Variants in TCF7L2 observed in about 807,000 individuals in gnomAD.
TCF7L2 encodes transcription factor 7 like 2.
TCF7L2 carries 23 observed loss-of-function variants against 77.9 expected under a neutral mutation model. The observed-to-expected ratio is 0.30, with a 90% CI of 0.21 to 0.42. The LOEUF is 0.42. Among genes scored for constraint, TCF7L2 ranks in the 10% least tolerant of loss-of-function variants. The pLI, the probability that TCF7L2 is intolerant of heterozygous loss-of-function variation, is 1.00. For missense variants in TCF7L2, 654 were observed against 793.1 expected (o/e 0.82, Z 2.11); for synonymous variants, 413 against 340.2 (o/e 1.21, Z -2.36).
At chr10:113,146,186 A>G in intron 8 of TCF7L2, 89 bp downstream of exon 8, 1 of 1,181,312 alleles carries the variant, frequency 8.5e-7, no homozygotes, top group Non-Finnish European at 1.3e-6. Context: ...CCCAGGGACC[A>G]CAGCTACATG....
chr10:113,112,073 C>T (rs556589243), intron 5 of TCF7L2, among the ~76,000 whole-genome samples: 6 of 152,214 alleles, frequency 3.9e-5, no homozygotes, highest in Non-Finnish European at 8.8e-5. Flanking sequence ...GTGATTGCGA[C>T]ATGCTTTCCA....
intron 4 of TCF7L2, among the ~76,000 whole-genome samples, chr10:112,995,737 G>T (rs4132115): frequency 0.045 from 6,885 of 152,162 alleles, 480 homozygotes; most frequent in African/African-American, 0.16. Context: ...CCTTTCCTGA[G>T]AGTCACTGCT....
At chr10:112,969,701 C>G (rs906971369) in intron 4 of TCF7L2, among the ~76,000 whole-genome samples, 3 of 152,160 alleles carry the variant, frequency 2.0e-5, no homozygotes, top group African/African-American at 7.2e-5. Context: ...GGTGCAGGCC[C>G]CTTCATGCAG....
At chr10:112,970,041 C>T (rs1012079276) in intron 4 of TCF7L2, among the ~76,000 whole-genome samples, 2 of 152,090 alleles carry the variant, frequency 1.3e-5, no homozygotes, top group African/African-American at 2.4e-5. Flanking sequence ...GTTTTAAGAG[C>T]GTTTTGGCCA....
chr10:113,156,111 CTTTCT>C (rs1290846692), intron 11 of TCF7L2, among the ~76,000 whole-genome samples: 311 of 131,328 alleles, frequency 2.4e-3, no homozygotes, highest in Non-Finnish European at 3.5e-3. Flanking sequence ...GAGTTTCTTT[CTTTCT>C]TTTTTTTTTT....
intron 4 of TCF7L2, among the ~76,000 whole-genome samples, chr10:112,988,416 TTC>T (rs1469805644): frequency 1.3e-5 from 2 of 152,316 alleles, no homozygotes; most frequent in African/African-American, 4.8e-5. Flanking sequence ...TGTTTTGAGC[TTC>T]TGTCTTATGT....
chr10:113,025,713 A>G (rs2049029914), intron 4 of TCF7L2, among the ~76,000 whole-genome samples: 1 of 151,960 alleles, frequency 6.6e-6, no homozygotes. Context: ...TTAGAGTTGC[A>G]CAGCCTTTAC....
At chr10:113,062,819 A>G (rs1044268029) in intron 5 of TCF7L2, among the ~76,000 whole-genome samples, 1 of 152,164 alleles carries the variant, frequency 6.6e-6, no homozygotes, top group African/African-American at 2.4e-5. Context: ...CCAGGGTCTT[A>G]ATAAATGACT....
intron 4 of TCF7L2, among the ~76,000 whole-genome samples, chr10:113,012,396 C>T (rs1053504573): frequency 1.3e-5 from 2 of 152,024 alleles, no homozygotes; most frequent in African/African-American, 4.8e-5. Context: ...TACTTTGTTA[C>T]GTGAGCAATA....
intron 4 of TCF7L2, among the ~76,000 whole-genome samples, chr10:112,990,040 G>C (rs1447951931): frequency 6.6e-6 from 1 of 152,108 alleles, no homozygotes; most frequent in African/African-American, 2.4e-5. Flanking sequence ...GTTCAGGTTG[G>C]CACGTTGCAG....
intron 5 of TCF7L2, among the ~76,000 whole-genome samples, chr10:113,114,800 C>G (rs1006183350): frequency 6.6e-6 from 1 of 152,162 alleles, no homozygotes; most frequent in Non-Finnish European, 1.5e-5. Flanking sequence ...TTACTGTAGT[C>G]TCAGTTTGCT....
intron 4 of TCF7L2, among the ~76,000 whole-genome samples, chr10:113,002,688 C>T (rs1208287210): frequency 6.6e-6 from 1 of 152,100 alleles, no homozygotes; most frequent in Non-Finnish European, 1.5e-5. Flanking sequence ...GAAAATAGCC[C>T]TTAGAACTAG....
intron 5 of TCF7L2, among the ~76,000 whole-genome samples, chr10:113,059,999 T>C (rs943985955): frequency 7.9e-5 from 12 of 152,202 alleles, no homozygotes; most frequent in Admixed American, 1.3e-4. Context: ...TGCTGGCATG[T>C]AGATTATCCG....
intron 11 of TCF7L2, among the ~76,000 whole-genome samples, chr10:113,153,311 CTT>C (rs1283765275): frequency 1.3e-5 from 2 of 152,230 alleles, no homozygotes; most frequent in African/African-American, 2.4e-5. Context: ...TGAAATGCCT[CTT>C]GTTTTGCCTG....
chr10:113,064,305 T>C (rs1011234010), intron 5 of TCF7L2, among the ~76,000 whole-genome samples: 5 of 152,042 alleles, frequency 3.3e-5, no homozygotes, highest in Admixed American at 1.3e-4. Context: ...TACCAGCTGG[T>C]TCCGTGCTCT....
intron 5 of TCF7L2, among the ~76,000 whole-genome samples, chr10:113,100,412 ATG>A (rs770786746): frequency 6.6e-6 from 1 of 152,174 alleles, no homozygotes; most frequent in Non-Finnish European, 1.5e-5. Context: ...TCTGCTCTGA[ATG>A]TGTTTGCCAT....
chr10:113,069,519 C>T lies in TCF7L2; in HGVS notation c.552+29393C>T, dbSNP rs118065351. On this transcript the variant is annotated intron_variant, in intron 5 of 13. Coordinates refer to ENST00000627217, the MANE Select transcript of TCF7L2 (RefSeq NM_001146274.2). ...TGCTGGGATTACAGGCGTGAGCTGCCGTGCCCAGCCAGTATCTATAACTGA... is the reference window on the plus strand; with the variant it reads ...TGCTGGGATTACAGGCGTGAGCTGCTGTGCCCAGCCAGTATCTATAACTGA... Among the ~76,000 whole-genome samples the T allele has an allele frequency of 1.1e-3, 166 of 152,242 alleles. 1 individual carries two copies. The East Asian group carries it at 0.03, about 28-fold the overall frequency.
At chr10:113,054,776 CT>C (rs1156645614) in intron 5 of TCF7L2, among the ~76,000 whole-genome samples, 6 of 152,070 alleles carry the variant, frequency 3.9e-5, no homozygotes, top group African/African-American at 1.4e-4. Context: ...TATAAATAAT[CT>C]TAGTAGTTTT....
intron 5 of TCF7L2, among the ~76,000 whole-genome samples, chr10:113,072,212 C>T (rs1331321540): frequency 1.3e-5 from 2 of 151,950 alleles, no homozygotes; most frequent in Admixed American, 1.3e-4. Flanking sequence ...CCCGCCACCA[C>T]GCCCGACTAA....
Sources: gnomAD v4.1 joint callset for allele counts (sites outside exome capture counted in the v4.1 genomes callset) on GRCh38, gnomAD v4.1.1 for gene constraint, MANE v1.5 for transcripts, NCBI Gene and HGNC (gene_info 2026-07-23, HGNC 2026-07-21) for gene names.